The following LRRK1 variants were observed in gnomAD, a reference collection of about 807,000 sequenced individuals.
The protein encoded by LRRK1 is leucine-rich repeat serine/threonine-protein kinase 1.
In LRRK1, 113 loss-of-function variants were observed where a neutral mutation model predicts 209.1. The observed-to-expected ratio is 0.54, with a 90% confidence interval of 0.46 to 0.63. The LOEUF (loss-of-function observed/expected upper bound fraction) is 0.63, where lower values mean the gene tolerates loss of function less well. Ranked by LOEUF, LRRK1 falls within the 30% of genes least tolerant of loss-of-function variation. LRRK1 has a pLI of 0.00. For synonymous variants in LRRK1, 1,144 were observed against 1,099.7 expected (o/e 1.04, Z -0.80); for missense variants, 2,284 against 2,632.2 (o/e 0.87, Z 2.89).
At position 101,022,490 on chromosome 15, in the gene LRRK1, C is replaced by A. The variant is rs34885781; in HGVS notation, c.1960C>A (p.Leu654Ile). 5 of 1,614,140 alleles carry A rather than the reference C, an allele frequency of 3.1e-6. No individual in the cohort carries two copies. The East Asian group carries it at 1.1e-4, about 36-fold the overall frequency. ...TCCCCCGCGCCAGGGCAAGTCCACC[C>A]TCCTGGAGATCTTACAGACGGGGAG... ...VGPPRQGKST[L>I]LEILQTGRAP... Residue 654 changes from leucine to isoleucine, a missense_variant, in exon 15 of 34, where the codon CTC becomes ATC. Leu to Ile is a conservative substitution (Grantham distance 5). Coordinates refer to ENST00000388948, the MANE Select transcript of LRRK1 (RefSeq NM_024652.6). This position sits in a 1 kb window ranked among gnomAD's most constrained non-coding sequence, Gnocchi z 4.0.
chr15:101,038,468 G>A (rs142754679), intron 20 of LRRK1, among the ~76,000 whole-genome samples: 289 of 152,304 alleles, frequency 1.9e-3, no homozygotes, highest in African/African-American at 6.6e-3. Context: ...CAGTGCCATT[G>A]CACAATCTCC....
At chr15:101,009,142 AT>A in intron 7 of LRRK1, 79 bp downstream of exon 7, 1 of 1,182,268 alleles carries the variant, frequency 8.5e-7, no homozygotes, top group Non-Finnish European at 1.2e-6. Flanking sequence ...CCCGGGTTGT[AT>A]TTTGTGGTTT....
intron 9 of LRRK1, 85 bp downstream of exon 9, chr15:101,010,922 A>C (rs1467193725): frequency 1.6e-6 from 2 of 1,288,926 alleles, no homozygotes; most frequent in Non-Finnish European, 2.1e-6. Context: ...GCATTATGTC[A>C]GTTCATCCCC....
chr15:101,062,429 C>G, intron 30 of LRRK1, 145 bp from the exon 31 acceptor site: 1 of 625,946 alleles, frequency 1.6e-6, no homozygotes, highest in Non-Finnish European at 2.9e-6. Flanking sequence ...AATCCATAAA[C>G]AACCCACCAG....
intron 2 of LRRK1, among the ~76,000 whole-genome samples, chr15:100,929,621 C>A (rs769972169): frequency 4.7e-4 from 71 of 152,190 alleles, no homozygotes; most frequent in Non-Finnish European, 9.0e-4. Flanking sequence ...CAGGCCACAG[C>A]AGGAAAGTCT....
chr15:100,995,125 C>A (rs1353381414), intron 6 of LRRK1, among the ~76,000 whole-genome samples: 2 of 152,154 alleles, frequency 1.3e-5, no homozygotes, highest in Non-Finnish European at 2.9e-5. Flanking sequence ...CCTGGTACAA[C>A]AAGCAGTCAC....
chr15:100,958,629 TTTC>T (rs1389870385), intron 2 of LRRK1, among the ~76,000 whole-genome samples: 2 of 152,202 alleles, frequency 1.3e-5, no homozygotes, highest in Non-Finnish European at 2.9e-5. Flanking sequence ...AGGGGCCAAA[TTTC>T]TAACTTAACT....
In LRRK1 at chr15:101,053,414, G is replaced by T; in HGVS notation, c.4048G>T (p.Ala1350Ser). ...CCTCAACACCGTGCTGTCCGAGAACGCCAGAGGTACCGCGGCGCGCCGCCC... is the reference window on the plus strand; with the variant it reads ...CCTCAACACCGTGCTGTCCGAGAACTCCAGAGGTACCGCGGCGCGCCGCCC... ...SSLNTVLSEN[A>S]RDSSFIPLGH... Residue 1350 changes from alanine (A) to serine (S), a missense_variant, in exon 26 of 34, where the codon GCC becomes TCC. Physicochemically the swap from Ala to Ser is moderately conservative, Grantham distance 99. Coordinates refer to ENST00000388948, the MANE Select transcript of LRRK1 (RefSeq NM_024652.6). The T allele has an allele frequency of 6.3e-7, 1 of 1,589,550 alleles. No individual in the cohort carries two copies. The highest frequency in any genetic ancestry group is 8.5e-7 in the Non-Finnish European group (1 of 1,173,974).
chr15:100,932,720 A>T (rs935101651), intron 2 of LRRK1, among the ~76,000 whole-genome samples: 2 of 152,184 alleles, frequency 1.3e-5, no homozygotes, highest in African/African-American at 4.8e-5. Flanking sequence ...TCTTCAGGTA[A>T]TTATCATTTC....
chr15:100,954,101 A>C (rs1022817695), intron 2 of LRRK1, among the ~76,000 whole-genome samples: 1 of 152,068 alleles, frequency 6.6e-6, no homozygotes, highest in Admixed American at 6.6e-5. Context: ...TTTTTAGTAG[A>C]AATGAGGTTT....
At chr15:100,953,508 C>CTATA (rs60971994) in intron 2 of LRRK1, among the ~76,000 whole-genome samples, 134 of 146,584 alleles carry the variant, frequency 9.1e-4, no homozygotes, top group East Asian at 5.0e-3. Flanking sequence ...ATGTGTGTGT[C>CTATA]TATATATATA....
intron 2 of LRRK1, among the ~76,000 whole-genome samples, chr15:100,941,455 T>C (rs1456031366): frequency 3.3e-4 from 26 of 77,662 alleles, no homozygotes; most frequent in East Asian, 5.7e-4. Flanking sequence ...TCTGTGTGTG[T>C]CTATGTCTCT....
At position 101,051,614 on chromosome 15, in the gene LRRK1, CT is replaced by C. The variant is rs2035443073; in HGVS notation, c.3440-96del. 4.1e-6 allele frequency: 6 copies of C among 1,472,256 alleles called. No homozygotes were observed. The Admixed American group carries it at 7.9e-5, about 19-fold the overall frequency. 91.2% of individuals were successfully genotyped at this position (1,472,256 alleles called of 1,614,324 possible). ...CAGGCCAGGACAGGCAGCTCCCCTG[CT>C]GCGAAGGCCTCAGGGCCTGGGGTGC... is the stretch of plus-strand genomic sequence containing the variant. On this transcript the variant is annotated intron_variant, in intron 23 of 33. Transcript: ENST00000388948.
At chr15:101,056,661 GGATA>G (rs1396039438) in intron 27 of LRRK1, among the ~76,000 whole-genome samples, 191 bp from the exon 28 acceptor site, 2 of 152,160 alleles carry the variant, frequency 1.3e-5, no homozygotes, top group African/African-American at 4.8e-5. Flanking sequence ...GTGAGAAAAT[GGATA>G]GATAAATGGA....
Position 101,074,813 on chromosome 15 carries a change from A to C in LRRK1, c.*5965A>C, listed in dbSNP as rs1335368006. 2.0e-5 allele frequency: 3 copies of C among 152,132 alleles called. No homozygotes were observed. Among genetic ancestry groups the C allele is most frequent in the East Asian group, 1.9e-4 (1 of 5,166 alleles). 9.4% of individuals were successfully genotyped at this position (152,132 alleles called of 1,614,324 possible). A position where few individuals can be genotyped will look rare whatever the true frequency, so the allele number is the denominator to read the frequency against. On this transcript the variant is annotated 3_prime_UTR_variant, in exon 34 of 34. Transcript: ENST00000388948. ...CCTCCTCCCCCAGGAGCTTGCTACA[A>C]GTGCCAGAAATCTGGCCACCAGGCC... is the stretch of plus-strand genomic sequence containing the variant.
At chr15:100,980,082 G>A (rs1416507076) in intron 3 of LRRK1, among the ~76,000 whole-genome samples, 2 of 152,148 alleles carry the variant, frequency 1.3e-5, no homozygotes, top group Admixed American at 6.5e-5. Flanking sequence ...TGAACATTTA[G>A]TCTAGAGAGA....
At position 101,071,606 on chromosome 15, in the gene LRRK1, T is replaced by C. The variant is rs1596372008; in HGVS notation, c.*2758T>C. ...GGTTTCACCATGTTGGCCAGGATGGTCTTGAACTCCTGAGCTCAGGTGATC... is the reference window on the plus strand; with the variant it reads ...GGTTTCACCATGTTGGCCAGGATGGCCTTGAACTCCTGAGCTCAGGTGATC... On this transcript the variant is annotated 3_prime_UTR_variant, in exon 34 of 34. Transcript: ENST00000388948. The C allele has an allele frequency of 6.6e-6, 1 of 152,172 alleles. No homozygotes were observed. Among genetic ancestry groups the C allele is most frequent in the Non-Finnish European group, 1.5e-5 (1 of 68,062 alleles). The allele number at this position is 152,172 out of a possible 1,614,324, so 9.4% of individuals were successfully genotyped here. A position where few individuals can be genotyped will look rare whatever the true frequency, so the allele number is the denominator to read the frequency against.
chr15:101,017,216 G>A (rs1368916482), intron 12 of LRRK1, among the ~76,000 whole-genome samples: 1 of 150,714 alleles, frequency 6.6e-6, no homozygotes, highest in Non-Finnish European at 1.5e-5. Flanking sequence ...AGGTAGGGAT[G>A]AGTGACGCCA....
chr15:101,077,240 C>A lies in LRRK1; in HGVS notation c.*8392C>A, dbSNP rs1229892994. 1 of 152,210 alleles carries A rather than the reference C, an allele frequency of 6.6e-6. No homozygotes were observed. The highest frequency in any genetic ancestry group is 1.5e-5 in the Non-Finnish European group (1 of 68,032). The allele number at this position is 152,210 out of a possible 1,614,324, so 9.4% of individuals were successfully genotyped here. On this transcript the variant is annotated 3_prime_UTR_variant, in exon 34 of 34. Coordinates refer to ENST00000388948, the MANE Select transcript of LRRK1 (RefSeq NM_024652.6). ...TTAGGCCCCAGTCTCATTCCAGACA[C>A]CAGACCAACTTGGACTGTGCCCCAA...
Sources: gnomAD v4.1 joint callset for allele counts (sites outside exome capture counted in the v4.1 genomes callset) on GRCh38, gnomAD v4.1.1 for gene constraint, Gnocchi (gnomAD v3.1) non-coding constraint, MANE v1.5 for transcripts, NCBI Gene and HGNC (gene_info 2026-07-23, HGNC 2026-07-21) for gene names.